Variants in SDK1 observed in about 807,000 individuals in gnomAD.
SDK1 encodes the protein protein sidekick-1.
In SDK1, 157 loss-of-function variants were observed where a neutral mutation model predicts 245.5. The observed-to-expected ratio is 0.64, with a 90% CI of 0.56 to 0.73. The LOEUF is 0.73. Among genes scored for constraint, SDK1 ranks in the 30% least tolerant of loss-of-function variants. The probability of loss-of-function intolerance (pLI) is 0.00; values close to 1 mark genes in which losing one functional copy is unlikely to be tolerated. For missense variants in SDK1, 3,583 were observed against 3,002.3 expected (o/e 1.19, Z -4.52); for synonymous variants, 1,647 against 1,278.5 (o/e 1.29, Z -6.15).
intron 4 of SDK1, chr7:3,642,669 C>G (rs559886174): frequency 6.6e-6 from 1 of 152,248 alleles, no homozygotes; most frequent in South Asian, 2.1e-4. Context: ...GCAAGAACAT[C>G]TTGAAATAAT....
In SDK1 at chr7:3,785,130, C is replaced by T. The variant is rs575956414; in HGVS notation, c.714-36320C>T. On this transcript the variant is annotated intron_variant, in intron 4 of 44. Coordinates refer to ENST00000404826, the MANE Select transcript of SDK1 (RefSeq NM_152744.4). ...GAAAGACAAATATCACACAATCTCA[C>T]TCATCTGTGAATCTGAAACAATAAC... 6.6e-4 allele frequency among the ~76,000 whole-genome samples: 101 copies of T among 152,254 alleles called. 1 individual carries two copies. Among genetic ancestry groups the T allele is most frequent in the Non-Finnish European group, 1.2e-3 (84 of 68,020 alleles).
At chr7:3,686,243 T>G (rs1356033206) in intron 4 of SDK1, among the ~76,000 whole-genome samples, 1 of 152,148 alleles carries the variant, frequency 6.6e-6, no homozygotes, top group East Asian at 1.9e-4. Context: ...TCCCAGCTTA[T>G]TTTTGTATTT....
Position 3,847,166 on chromosome 7 carries a change from C to A in SDK1, c.847+25583C>A, listed in dbSNP as rs117655288. On this transcript the variant is annotated intron_variant, in intron 5 of 44. Transcript: ENST00000404826. ...TACACCTGAAACCTCCAAACCCTGC[C>A]TTTGCGATTTCAACCTTTACTCCTG... is the stretch of plus-strand genomic sequence containing the variant. 5.4e-3 allele frequency among the ~76,000 whole-genome samples: 822 copies of A among 152,242 alleles called. 18 individuals are homozygous for A. Among genetic ancestry groups the A allele is most frequent in the Admixed American group, 0.04 (614 of 15,292 alleles).
intron 4 of SDK1, among the ~76,000 whole-genome samples, chr7:3,716,361 T>C (rs1785201771): frequency 6.6e-6 from 1 of 152,328 alleles, no homozygotes; most frequent in East Asian, 1.9e-4. Flanking sequence ...AACTTCTGTG[T>C]TGAAAATAAG....
intron 1 of SDK1, among the ~76,000 whole-genome samples, chr7:3,574,452 A>G (rs757690645): frequency 8.6e-5 from 13 of 151,994 alleles, no homozygotes; most frequent in African/African-American, 3.1e-4. Context: ...TGAAGTTGCT[A>G]TTCCTACTGT....
intron 14 of SDK1, among the ~76,000 whole-genome samples, chr7:4,000,711 C>G (rs1192322845): frequency 6.6e-6 from 1 of 152,194 alleles, no homozygotes; most frequent in Non-Finnish European, 1.5e-5. Flanking sequence ...AGACTTTGTT[C>G]TTCATGCTTC....
intron 1 of SDK1, among the ~76,000 whole-genome samples, chr7:3,488,587 A>G (rs979442445): frequency 6.6e-6 from 1 of 152,218 alleles, no homozygotes; most frequent in Non-Finnish European, 1.5e-5. Flanking sequence ...TCACAAAATG[A>G]TAGTTGAAGT....
At chr7:3,749,440 CA>C (rs1178216181) in intron 4 of SDK1, among the ~76,000 whole-genome samples, 1 of 152,232 alleles carries the variant, frequency 6.6e-6, no homozygotes, top group Non-Finnish European at 1.5e-5. Flanking sequence ...GCTGGGATTA[CA>C]GGCGTGTACC....
At chr7:3,612,878 C>T (rs1781646715) in intron 1 of SDK1, among the ~76,000 whole-genome samples, 1 of 152,142 alleles carries the variant, frequency 6.6e-6, no homozygotes, top group Non-Finnish European at 1.5e-5. Context: ...TTCACCGGGA[C>T]ACGTGGACTT....
chr7:4,242,627 A>G (rs1786601247), intron 43 of SDK1, among the ~76,000 whole-genome samples: 1 of 152,180 alleles, frequency 6.6e-6, no homozygotes, highest in Non-Finnish European at 1.5e-5. Context: ...CGTCTGGAGA[A>G]CAGACAGCTC....
At chr7:3,560,198 T>C (rs1779704387) in intron 1 of SDK1, among the ~76,000 whole-genome samples, 1 of 152,222 alleles carries the variant, frequency 6.6e-6, no homozygotes, top group Non-Finnish European at 1.5e-5. Context: ...ACACTGTTTA[T>C]CTTGAATACC....
At chr7:3,617,794 TAATCATATCCTCAA>T (rs1781815738) in intron 1 of SDK1, among the ~76,000 whole-genome samples, 2 of 152,216 alleles carry the variant, frequency 1.3e-5, no homozygotes, top group South Asian at 4.1e-4. Context: ...CTGCATGACC[TAATCATATCCTCAA>T]GGTCCTGCCT....
chr7:3,335,420 C>CTTTTTTTTT (rs5881977), intron 1 of SDK1, among the ~76,000 whole-genome samples: 1 of 145,518 alleles, frequency 6.9e-6, no homozygotes, highest in South Asian at 2.2e-4. Context: ...TGGTACTTAT[C>CTTTTTTTTT]TTTTTTTTTT....
At chr7:4,180,349 C>T (rs1175168890) in intron 35 of SDK1, among the ~76,000 whole-genome samples, 2 of 147,902 alleles carry the variant, frequency 1.4e-5, no homozygotes, top group African/African-American at 2.5e-5. Flanking sequence ...CTATGCCCAG[C>T]ACCCGGCTCC....
chr7:3,753,239 C>A (rs1284702919), intron 4 of SDK1, among the ~76,000 whole-genome samples: 1 of 152,174 alleles, frequency 6.6e-6, no homozygotes, highest in Non-Finnish European at 1.5e-5. Flanking sequence ...ATTATAAACC[C>A]TCTTCATTTT....
At chr7:3,904,948 G>A (rs1015240973) in intron 5 of SDK1, among the ~76,000 whole-genome samples, 2 of 148,952 alleles carry the variant, frequency 1.3e-5, no homozygotes, top group Admixed American at 6.7e-5. Flanking sequence ...AGTGGAGATC[G>A]CGCCACTGCA....
chr7:4,113,578 T>C (rs150554654), intron 24 of SDK1, 139 bp downstream of exon 24: 4 of 979,528 alleles, frequency 4.1e-6, no homozygotes, highest in South Asian at 3.2e-5. Flanking sequence ...CCAAAAAGTA[T>C]TGCATTTTAC....
intron 4 of SDK1, among the ~76,000 whole-genome samples, chr7:3,815,801 A>G (rs1779493860): frequency 6.6e-6 from 1 of 150,672 alleles, no homozygotes. Flanking sequence ...CATTTTTTTC[A>G]GCACCACACC....
Position 3,805,486 on chromosome 7 carries a change from G to A in SDK1, c.714-15964G>A, listed in dbSNP as rs569358001. On this transcript the variant is annotated intron_variant, in intron 4 of 44. Transcript: ENST00000404826. Reference sequence around the variant, plus strand: ...TGCTATATGGTATAAGATGTTCTGGGTTCCTCTTGTACTTTTTCTGCCCTG... The same window carrying A: ...TGCTATATGGTATAAGATGTTCTGGATTCCTCTTGTACTTTTTCTGCCCTG... Among the ~76,000 whole-genome samples the A allele has an allele frequency of 3.5e-3, 532 of 152,254 alleles. 4 individuals are homozygous for A. Among genetic ancestry groups the A allele is most frequent in the African/African-American group, 0.012 (515 of 41,536 alleles).
Sources: allele counts gnomAD v4.1 joint callset (sites outside exome capture counted in the v4.1 genomes callset), GRCh38; gene constraint gnomAD v4.1.1; transcripts MANE v1.5; gene names NCBI Gene and HGNC (gene_info 2026-07-23, HGNC 2026-07-21).